THEMIS: variants seen among roughly 807,000 people sequenced by gnomAD.
THEMIS encodes thymocyte selection associated, also known as protein THEMIS.
In THEMIS, 37 loss-of-function variants were observed where a neutral mutation model predicts 52.6. The observed-to-expected ratio is 0.70, with a 90% CI of 0.54 to 0.93. The LOEUF (loss-of-function observed/expected upper bound fraction) is 0.93, where lower values mean the gene tolerates loss of function less well. Among genes scored for constraint, THEMIS ranks in the 40% least tolerant of loss-of-function variants. The pLI is 0.00. For synonymous variants in THEMIS, 292 were observed against 272.7 expected (o/e 1.07, Z -0.70); for missense variants, 808 against 763.1 (o/e 1.06, Z -0.69).
chr6:127,796,186 T>C (rs1777325321), intron 4 of THEMIS, among the ~76,000 whole-genome samples: 1 of 152,154 alleles, frequency 6.6e-6, no homozygotes, highest in Admixed American at 6.5e-5. Flanking sequence ...ATTATTATGA[T>C]CATTATTAAG....
In THEMIS at chr6:127,716,767, G is replaced by C. The variant is rs539863945; in HGVS notation, c.1894+2921C>G. ...TGTTATTACTAAAAATAGACCTTAA[G>C]CTGAATAAACATTGAAGCCCTGTGT... On this transcript the variant is annotated intron_variant, in intron 5 of 5. Coordinates refer to ENST00000368248, the MANE Select transcript of THEMIS (RefSeq NM_001010923.3). Among the ~76,000 whole-genome samples, 56 of 152,014 alleles carry C rather than the reference G, an allele frequency of 3.7e-4. 1 individual carries two copies. In the South Asian group the frequency reaches 0.012, roughly 32 times the overall value.
chr6:127,887,820 A>G (rs1379468067), intron 1 of THEMIS, among the ~76,000 whole-genome samples: 1 of 152,140 alleles, frequency 6.6e-6, no homozygotes, highest in Non-Finnish European at 1.5e-5. Context: ...TTGTATACTT[A>G]TAGTGGTTGA....
chr6:127,745,149 T>A (rs1034327261), intron 4 of THEMIS, among the ~76,000 whole-genome samples: 1 of 151,910 alleles, frequency 6.6e-6, no homozygotes, highest in Non-Finnish European at 1.5e-5. Context: ...TTGATACAAA[T>A]CTAACTTTGA....
chr6:127,871,613 G>C (rs1047974546), intron 1 of THEMIS, among the ~76,000 whole-genome samples: 1 of 151,958 alleles, frequency 6.6e-6, no homozygotes, highest in African/African-American at 2.4e-5. Flanking sequence ...ATCAATAAGA[G>C]GATAGCACTA....
intron 1 of THEMIS, among the ~76,000 whole-genome samples, chr6:127,880,748 T>C (rs746381587): frequency 8.6e-5 from 13 of 151,954 alleles, no homozygotes; most frequent in Non-Finnish European, 1.3e-4. Context: ...AACCAGAAAA[T>C]CAGACAGCTA....
intron 4 of THEMIS, among the ~76,000 whole-genome samples, chr6:127,728,348 T>A (rs1382742942): frequency 6.6e-6 from 1 of 152,158 alleles, no homozygotes. Context: ...TTGTAATAAA[T>A]CAAACAGTGC....
rs1018676481 is a variant in THEMIS at position 127,915,711 on chromosome 6, G to A, written c.-150+2717C>T. ...ATGAGAAAAAAGAATGAGCAGCTGG[G>A]TGTGGTGGCTCACGCCTGTAATCCC... On this transcript the variant is annotated intron_variant, in intron 1 of 6. Coordinates refer to the THEMIS transcript ENST00000368250. Among the ~76,000 whole-genome samples, 42 of 152,206 alleles carry A rather than the reference G, an allele frequency of 2.8e-4. 2 individuals carry two copies. The highest frequency in any genetic ancestry group is 6.5e-5 in the Admixed American group (1 of 15,274).
At chr6:127,852,140 G>A (rs903860682) in intron 2 of THEMIS, among the ~76,000 whole-genome samples, 1 of 151,474 alleles carries the variant, frequency 6.6e-6, no homozygotes, top group Admixed American at 6.6e-5. Flanking sequence ...ATTGCTACTA[G>A]AGTCAAAGAA....
chr6:127,855,279 T>G (rs999292873), intron 1 of THEMIS, 91 bp from the exon 2 acceptor site: 1 of 1,085,464 alleles, frequency 9.2e-7, no homozygotes, highest in Non-Finnish European at 1.3e-6. Context: ...GTGTTTTAAT[T>G]CAGTTCCTCT....
At chr6:127,863,917 C>T (rs1168629459) in intron 1 of THEMIS, among the ~76,000 whole-genome samples, 2 of 152,076 alleles carry the variant, frequency 1.3e-5, no homozygotes, top group African/African-American at 4.8e-5. Flanking sequence ...ATTTGAGCAG[C>T]AAATGTAGGG....
intron 4 of THEMIS, among the ~76,000 whole-genome samples, chr6:127,734,730 T>C (rs369421608): frequency 8.7e-4 from 131 of 151,078 alleles, no homozygotes; most frequent in African/African-American, 3.0e-3. Flanking sequence ...ATTAGCCGGG[T>C]GTGGTGGCAC....
chr6:127,813,075 A>C lies in THEMIS; in HGVS notation c.1566T>G (p.Asp522Glu), dbSNP rs749523900. 7.4e-6 allele frequency: 12 copies of C among 1,614,142 alleles called. No homozygotes were observed. The highest frequency in any genetic ancestry group is 6.8e-6 in the Non-Finnish European group (8 of 1,180,032). ...TVQLVSNFSR[D>E]AEPFLVRTLV... ...GAGTCCTGACTAGAAATGGTTCTGCATCCCTAGAGAAATTACTAACTAACT... is the reference window on the plus strand; with the variant it reads ...GAGTCCTGACTAGAAATGGTTCTGCCTCCCTAGAGAAATTACTAACTAACT... Residue 522 changes from aspartate to glutamate, a missense_variant, in exon 4 of 6, where the codon GAT (aspartate) becomes GAG (glutamate). Transcript: ENST00000368248.
chr6:127,753,034 C>T (rs1158580744), intron 4 of THEMIS, among the ~76,000 whole-genome samples: 1 of 151,900 alleles, frequency 6.6e-6, no homozygotes, highest in Non-Finnish European at 1.5e-5. Context: ...AAATATGATA[C>T]ACCACATTAA....
intron 2 of THEMIS, among the ~76,000 whole-genome samples, chr6:127,837,743 G>GAT (rs965202676): frequency 2.0e-5 from 3 of 151,860 alleles, no homozygotes; most frequent in Non-Finnish European, 4.4e-5. Flanking sequence ...TTTTTAACTT[G>GAT]ATATATATAC....
chr6:127,741,977 A>T (rs987124935), intron 4 of THEMIS, among the ~76,000 whole-genome samples: 7 of 152,172 alleles, frequency 4.6e-5, no homozygotes, highest in Non-Finnish European at 8.8e-5. Flanking sequence ...GATATGAGCC[A>T]TTGTGGAAAA....
intron 2 of THEMIS, among the ~76,000 whole-genome samples, chr6:127,846,119 G>GTCCAC (rs1779205905): frequency 6.6e-6 from 1 of 151,914 alleles, no homozygotes; most frequent in Admixed American, 6.6e-5. Flanking sequence ...GACATCAGTT[G>GTCCAC]TCCACTAAGC....
chr6:127,882,114 G>C (rs934533151), intron 1 of THEMIS, among the ~76,000 whole-genome samples: 3 of 151,318 alleles, frequency 2.0e-5, no homozygotes, highest in African/African-American at 7.3e-5. Context: ...CCCATACTTG[G>C]TTTGACTTAG....
At chr6:127,826,809 T>C (rs985402244) in intron 3 of THEMIS, among the ~76,000 whole-genome samples, 11 of 152,154 alleles carry the variant, frequency 7.2e-5, no homozygotes, top group African/African-American at 2.7e-4. Flanking sequence ...CACTGTTATG[T>C]GTATCTATTT....
intron 2 of THEMIS, among the ~76,000 whole-genome samples, chr6:127,844,454 A>G (rs374203667): frequency 2.5e-4 from 38 of 152,056 alleles, no homozygotes; most frequent in African/African-American, 9.2e-4. Flanking sequence ...AACAAAATTC[A>G]TAGAGTATAG....
Sources: allele counts gnomAD v4.1 joint callset (sites outside exome capture counted in the v4.1 genomes callset), GRCh38; gene constraint gnomAD v4.1.1; transcripts MANE v1.5; gene names NCBI Gene and HGNC (gene_info 2026-07-23, HGNC 2026-07-21).